The following HACD1 variants were observed in gnomAD, a reference collection of about 807,000 sequenced individuals.
HACD1 encodes the protein very-long-chain (3R)-3-hydroxyacyl-CoA dehydratase 1.
In HACD1, 41 loss-of-function variants were observed where a neutral mutation model predicts 32.0. The ratio of observed to expected loss-of-function variants is 1.28; its 90% CI spans 1.00 to 1.66. The LOEUF is 1.66. Among genes scored for constraint, HACD1 ranks in the 40% most tolerant of loss-of-function variants. The pLI, the probability that HACD1 is intolerant of heterozygous loss-of-function variation, is 0.00. For missense variants in HACD1, 396 were observed against 380.1 expected, an observed-to-expected ratio of 1.04 and a Z score of -0.35; for synonymous variants, 142 against 139.0, an observed-to-expected ratio of 1.02 and a Z score of -0.15.
intron 1 of HACD1, among the ~76,000 whole-genome samples, chr10:17,614,570 C>T (rs1554817820): frequency 6.6e-6 from 1 of 151,642 alleles, no homozygotes; most frequent in African/African-American, 2.4e-5. Context: ...TTCAAATTAG[C>T]TGAGGATGGT....
At chr10:17,595,154 C>A (rs183050704) in intron 5 of HACD1, among the ~76,000 whole-genome samples, 1 of 152,046 alleles carries the variant, frequency 6.6e-6, no homozygotes, top group Admixed American at 6.6e-5. Flanking sequence ...CCACCATGCC[C>A]GGCCTATGTA....
intron 4 of HACD1, chr10:17,603,260 T>C (rs1458594845): frequency 4.2e-6 from 1 of 237,900 alleles, no homozygotes; most frequent in African/African-American, 2.3e-5. Flanking sequence ...AAAAGAAACT[T>C]CTATAGAAAA....
At chr10:17,613,894 T>C (rs1554817757) in intron 1 of HACD1, among the ~76,000 whole-genome samples, 2 of 141,638 alleles carry the variant, frequency 1.4e-5, no homozygotes, top group Non-Finnish European at 1.6e-5. Context: ...ACATGGTGCT[T>C]TGAGGGACGA....
chr10:17,612,847 G>C (rs1413600345), intron 1 of HACD1, among the ~76,000 whole-genome samples: 1 of 150,684 alleles, frequency 6.6e-6, no homozygotes, highest in African/African-American at 2.4e-5. Context: ...GCGAGAATCC[G>C]GGAGGCGGAA....
chr10:17,601,900 T>C (rs1834074842), intron 4 of HACD1, among the ~76,000 whole-genome samples: 1 of 151,752 alleles, frequency 6.6e-6, no homozygotes, highest in Non-Finnish European at 1.5e-5. Flanking sequence ...AGGGGGCCAG[T>C]GAAGCTAAGA....
Position 17,589,396 on chromosome 10 carries a change from C to T in HACD1, c.*968G>A, listed in dbSNP as rs529836202. 10 of 152,388 alleles carry T rather than the reference C, an allele frequency of 6.6e-5. No individual in the cohort carries two copies. In the East Asian group the frequency reaches 1.9e-3, roughly 29 times the overall value. 9.4% of individuals were successfully genotyped at this position (152,388 alleles called of 1,614,324 possible). A position where few individuals can be genotyped will look rare whatever the true frequency, so the allele number is the denominator to read the frequency against. ...TTCCTGGGCTCAAGTGATCCTCCCACCTCAGCCTCCCAAGCAGCTGGAACT... is the reference window on the plus strand; with the variant it reads ...TTCCTGGGCTCAAGTGATCCTCCCATCTCAGCCTCCCAAGCAGCTGGAACT... On this transcript the variant is annotated 3_prime_UTR_variant, in exon 7 of 7. Transcript: ENST00000361271.
Position 17,617,315 on chromosome 10 carries a change from C to T in HACD1, c.25G>A (p.Ala9Thr), listed in dbSNP as rs1441021862. ...GCAGCCCGAGAGCCGCTGCCCGCTG[C>T]CGCCGCTTCCGTCAGGCGCCCCATG... MGRLTEAAAAGSGSRAAGW... is the reference protein window; with the variant it reads MGRLTEAATAGSGSRAAGW... Residue 9 changes from alanine (A) to threonine (T), a missense_variant, in exon 1 of 7, where the codon GCA (alanine) becomes ACA (threonine). By Grantham distance (58) the Ala-to-Thr change is moderately conservative. Transcript: ENST00000361271. The T allele has an allele frequency of 7.0e-7, 1 of 1,438,574 alleles. No homozygotes were observed. The highest frequency in any genetic ancestry group is 1.4e-5 in the South Asian group (1 of 71,614). The allele number at this position is 1,438,574 out of a possible 1,614,324, so 89.1% of individuals were successfully genotyped here.
chr10:17,597,485 C>A (rs1284270087), intron 5 of HACD1, among the ~76,000 whole-genome samples: 1 of 152,150 alleles, frequency 6.6e-6, no homozygotes, highest in Non-Finnish European at 1.5e-5. Context: ...CATACGATGG[C>A]AGAGTTTTTA....
intron 6 of HACD1, among the ~76,000 whole-genome samples, chr10:17,591,976 A>ATTTTTTTTTTGTTTTTTTTTTTTT (rs1833933861): frequency 1.0e-5 from 1 of 96,942 alleles, no homozygotes; most frequent in African/African-American, 4.5e-5. Flanking sequence ...CCAGCTACTG[A>ATTTTTTTTTTGTTTTTTTTTTTTT]TTTTTTTTTT....
chr10:17,589,506 C>G lies in HACD1; in HGVS notation c.*858G>C, dbSNP rs1438930694. On this transcript the variant is annotated 3_prime_UTR_variant, in exon 7 of 7. Transcript: ENST00000361271. ...GGTCTTGCTATGTTGCCCAGACTGG[C>G]CTTGAACTTCTGGGCTCAAACGATC... 6.6e-6 allele frequency: 1 copy of G among 152,058 alleles called. No individual in the cohort carries two copies. 9.4% of individuals were successfully genotyped at this position (152,058 alleles called of 1,614,324 possible). A position where few individuals can be genotyped will look rare whatever the true frequency, so the allele number is the denominator to read the frequency against.
intron 5 of HACD1, among the ~76,000 whole-genome samples, chr10:17,597,035 C>A (rs1834003396): frequency 6.6e-6 from 1 of 152,114 alleles, no homozygotes; most frequent in African/African-American, 2.4e-5. Flanking sequence ...TTTTTAAGAT[C>A]TTTTTGACAT....
At chr10:17,612,177 G>A (rs1832994824) in intron 1 of HACD1, among the ~76,000 whole-genome samples, 1 of 149,910 alleles carries the variant, frequency 6.7e-6, no homozygotes, top group South Asian at 2.1e-4. Context: ...CTTCTTCCAG[G>A]AATTTATTAC....
intron 1 of HACD1, among the ~76,000 whole-genome samples, chr10:17,611,154 C>T (rs1834230040): frequency 6.6e-6 from 1 of 152,060 alleles, no homozygotes; most frequent in Non-Finnish European, 1.5e-5. Flanking sequence ...GTGCACGCCA[C>T]CACACCCAGC....
intron 1 of HACD1, among the ~76,000 whole-genome samples, chr10:17,606,323 A>AT (rs1407216823): frequency 2.6e-5 from 4 of 152,260 alleles, no homozygotes; most frequent in Non-Finnish European, 2.9e-5. Flanking sequence ...CAGCTTTCTC[A>AT]TACTACTTCT....
rs781962894 is a variant in HACD1, at chr10:17,603,993, G to T, written c.312C>A (p.His104Gln). The change falls in exon 2 of 7, where the codon CAC (histidine) becomes CAA (glutamine). Residue 104 changes from histidine (H) to glutamine (Q), a missense_variant. By Grantham distance (24) the His-to-Gln change is conservative. Coordinates refer to ENST00000361271, the MANE Select transcript of HACD1 (RefSeq NM_014241.4). Reference protein sequence around the residue: ...MVRFYMEKGTHRGLYKSIQKT... With the variant: ...MVRFYMEKGTQRGLYKSIQKT... ...TCTGAATACTTTTATATAAACCTCT[G>T]TGTGTTCCTTTTTCCATATAAAAAC... The T allele has an allele frequency of 3.1e-6, 5 of 1,608,652 alleles. No homozygotes were observed. In the South Asian group the frequency reaches 5.6e-5, roughly 18 times the overall value.
chr10:17,612,333 CTAT>C (rs1244263665), intron 1 of HACD1, among the ~76,000 whole-genome samples: 1 of 152,088 alleles, frequency 6.6e-6, no homozygotes, highest in African/African-American at 2.4e-5. Flanking sequence ...ACCTGACAGA[CTAT>C]TAAGTGAAAA....
chr10:17,613,128 G>C (rs1024227913), intron 1 of HACD1, among the ~76,000 whole-genome samples: 1 of 137,476 alleles, frequency 7.3e-6, no homozygotes, highest in Non-Finnish European at 1.6e-5. Flanking sequence ...GTGTGTGTGT[G>C]TGTGTGTGTG....
chr10:17,601,095 G>A (rs1215321444), intron 4 of HACD1, among the ~76,000 whole-genome samples: 3 of 150,612 alleles, frequency 2.0e-5, no homozygotes, highest in Admixed American at 2.0e-4. Flanking sequence ...GTGCAGTGAT[G>A]CGATCTCAGC....
In HACD1 at chr10:17,617,232, G is replaced by A. The variant is rs1554818265; in HGVS notation, c.108C>T (p.Cys36=). 6.7e-7 allele frequency: 1 copy of A among 1,488,502 alleles called. No individual in the cohort carries two copies. The highest frequency in any genetic ancestry group is 1.5e-5 in the African/African-American group (1 of 68,656). 92.2% of individuals were successfully genotyped at this position (1,488,502 alleles called of 1,614,324 possible). The change falls in exon 1 of 7, where the codon TGC becomes TGT. Residue 36 remains cysteine (C), a synonymous_variant. Transcript: ENST00000361271. ...CGTCGCTGGACGCCATGGTGGCCGC[G>A]CACCTGGGGGACGTGGGAGACAGCG... ...LLPLSPTSPR[C]AATMASSDED...
Sources: gnomAD v4.1 joint callset for allele counts (sites outside exome capture counted in the v4.1 genomes callset) on GRCh38, gnomAD v4.1.1 for gene constraint, MANE v1.5 for transcripts, NCBI Gene and HGNC (gene_info 2026-07-23, HGNC 2026-07-21) for gene names.